The following CTBS variants were observed in gnomAD, a reference collection of about 807,000 sequenced individuals.
The protein encoded by CTBS is chitobiase, also known as di-N-acetylchitobiase.
A neutral mutation model predicts 44.3 loss-of-function variants in CTBS; 35 were observed. The ratio of observed to expected loss-of-function variants is 0.79; its 90% confidence interval spans 0.60 to 1.05. The LOEUF (loss-of-function observed/expected upper bound fraction) is 1.05, where lower values mean the gene tolerates loss of function less well. CTBS is among the 50% of genes least tolerant of loss of function. The pLI is 0.00. For missense variants in CTBS, 458 were observed against 475.3 expected (o/e 0.96, Z 0.34); for synonymous variants, 143 against 168.0 (o/e 0.85, Z 1.15).
rs1558615293 is a variant in CTBS, at chr1:84,549,719, C to A, written c.*5280G>T. The A allele has an allele frequency of 6.6e-6, 1 of 151,964 alleles. No individual in the cohort carries two copies. Among genetic ancestry groups the A allele is most frequent in the Non-Finnish European group, 1.5e-5 (1 of 67,966 alleles). 9.4% of individuals were successfully genotyped at this position (151,964 alleles called of 1,614,324 possible). A position where few individuals can be genotyped will look rare whatever the true frequency, so the allele number is the denominator to read the frequency against. ...TTTGATTTGGGTTGGATCAATCCCA[C>A]TTATCCAAAAGTAATTTTAAAATAT... On this transcript the variant is annotated 3_prime_UTR_variant, in exon 7 of 7. Transcript: ENST00000370630.
At chr1:84,558,282 C>G (rs552207612) in intron 6 of CTBS, among the ~76,000 whole-genome samples, 33 of 150,324 alleles carry the variant, frequency 2.2e-4, no homozygotes, top group Non-Finnish European at 1.3e-4. Context: ...TAATTTTTGC[C>G]TGCCATTAAA....
intron 2 of CTBS, 145 bp from the exon 3 acceptor site, chr1:84,570,284 C>A: frequency 1.4e-6 from 1 of 699,664 alleles, no homozygotes. Flanking sequence ...TCCAAAATAA[C>A]CATTATAAAT....
chr1:84,558,526 C>T (rs1334378335), intron 6 of CTBS, among the ~76,000 whole-genome samples: 4 of 150,868 alleles, frequency 2.7e-5, no homozygotes, highest in African/African-American at 9.7e-5. Context: ...CTCCTGACCT[C>T]GTGATCCGCC....
chr1:84,564,094 T>G (rs1045266150), intron 4 of CTBS, among the ~76,000 whole-genome samples: 9 of 152,224 alleles, frequency 5.9e-5, no homozygotes, highest in African/African-American at 2.2e-4. Flanking sequence ...AATCTAATTC[T>G]AGGAAGAATG....
At position 84,563,407 on chromosome 1, in the gene CTBS, A is replaced by G. The variant is rs764296657; in HGVS notation, c.807T>C (p.Cys269=). The change falls in exon 6 of 7, where the codon TGT becomes TGC. Residue 269 remains cysteine, a synonymous_variant. Coordinates refer to ENST00000370630, the MANE Select transcript of CTBS (RefSeq NM_004388.3). ...TCLNLSEDHV[C]TIAKVPFRGA... is the part of the protein sequence containing the mutation. ...CCCGGAAAGGGACTTTTGCAATGGT[A>G]CAAACATGATCCTAGAAATGCAAAA... 102 of 1,536,086 alleles carry G rather than the reference A, an allele frequency of 6.6e-5. No individual in the cohort carries two copies. The highest frequency in any genetic ancestry group is 8.9e-5 in the Non-Finnish European group (102 of 1,146,096).
Position 84,569,940 on chromosome 1 carries a change from C to T in CTBS, c.516G>A (p.Glu172=), listed in dbSNP as rs1352918502. The T allele has an allele frequency of 1.2e-6, 2 of 1,609,622 alleles. No individual in the cohort carries two copies. The highest frequency in any genetic ancestry group is 2.7e-5 in the African/African-American group (2 of 74,590). ...ATAAATGAGTTTTTACCTGTGATCC[C>T]TCAATTTCACGATGGAAAGAGTCTG... ...ETTDSFHREI[E]GSQVTFDVAW... is the part of the protein sequence containing the mutation. Residue 172 remains glutamate (E), a synonymous_variant, in exon 3 of 7, where the codon GAG becomes GAA. Coordinates refer to ENST00000370630, the MANE Select transcript of CTBS (RefSeq NM_004388.3).
intron 6 of CTBS, among the ~76,000 whole-genome samples, chr1:84,561,983 A>T (rs1346196892): frequency 6.6e-6 from 1 of 152,206 alleles, no homozygotes; most frequent in Non-Finnish European, 1.5e-5. Context: ...TGACTCTGCA[A>T]TATCTCTAAG....
chr1:84,560,099 AAG>A (rs1169721408), intron 6 of CTBS, among the ~76,000 whole-genome samples: 133 of 22,366 alleles, frequency 5.9e-3, no homozygotes, highest in South Asian at 0.033. Context: ...AAAAAAAAAA[AAG>A]AAAGAAAGAA....
intron 6 of CTBS, 103 bp downstream of exon 6, chr1:84,563,154 C>T: frequency 1.3e-6 from 1 of 769,560 alleles, no homozygotes; most frequent in Non-Finnish European, 1.9e-6. Context: ...CATGTTATGC[C>T]CTAAAAGAAA....
At chr1:84,565,619 T>C (rs1684684809) in intron 4 of CTBS, among the ~76,000 whole-genome samples, 1 of 152,184 alleles carries the variant, frequency 6.6e-6, no homozygotes, top group Admixed American at 6.5e-5. Context: ...TCTAGAAATA[T>C]ACCTATACCA....
chr1:84,550,469 C>A lies in CTBS; in HGVS notation c.*4530G>T. 6.4e-7 allele frequency: 1 copy of A among 1,565,154 alleles called. No homozygotes were observed. ...ATCCAGATCACTGAGGTACAGCATG[C>A]AATTGACCAGCTTAAGAGAAAACTA... On this transcript the variant is annotated 3_prime_UTR_variant, in exon 7 of 7. Coordinates refer to ENST00000370630, the MANE Select transcript of CTBS (RefSeq NM_004388.3).
intron 6 of CTBS, among the ~76,000 whole-genome samples, chr1:84,559,859 C>G (rs191542878): frequency 6.6e-6 from 1 of 151,438 alleles, no homozygotes; most frequent in Admixed American, 6.6e-5. Flanking sequence ...CCAAGGTAGG[C>G]GGATCACTTG....
In CTBS at chr1:84,552,169, A is replaced by G. The variant is rs983969444; in HGVS notation, c.*2830T>C. On this transcript the variant is annotated 3_prime_UTR_variant, in exon 7 of 7. Transcript: ENST00000370630. ...TGATCTCCCCAAAACAGCACTACCT[A>G]TAAGATTCAGAACTAAGGGACAAAA... 6.6e-5 allele frequency: 10 copies of G among 152,196 alleles called. No individual in the cohort carries two copies. The highest frequency in any genetic ancestry group is 1.2e-4 in the Non-Finnish European group (8 of 68,032). 9.4% of individuals were successfully genotyped at this position (152,196 alleles called of 1,614,324 possible).
chr1:84,563,863 G>C (rs369911180), intron 4 of CTBS, 31 bp from the exon 5 acceptor site: 15 of 1,590,310 alleles, frequency 9.4e-6, no homozygotes, highest in Non-Finnish European at 1.3e-5. Context: ...AAGCATATTT[G>C]TTTCTCTTCA....
At chr1:84,568,218 A>G (rs1684733326) in intron 3 of CTBS, among the ~76,000 whole-genome samples, 1 of 152,208 alleles carries the variant, frequency 6.6e-6, no homozygotes, top group Non-Finnish European at 1.5e-5. Context: ...CTCTTTCACT[A>G]CAGCTTAATC....
In CTBS at chr1:84,551,711, A is replaced by G. The variant is rs984775933; in HGVS notation, c.*3288T>C. 3 of 152,186 alleles carry G rather than the reference A, an allele frequency of 2.0e-5. No homozygotes were observed. Among genetic ancestry groups the G allele is most frequent in the African/African-American group, 7.2e-5 (3 of 41,456 alleles). The allele number at this position is 152,186 out of a possible 1,614,324, so 9.4% of individuals were successfully genotyped here. ...TTAAAATAGAAAAGGAAAAGAGCAG[A>G]GGATAATTTTTAACAAAATATCAGT... is the stretch of plus-strand genomic sequence containing the variant. On this transcript the variant is annotated 3_prime_UTR_variant, in exon 7 of 7. Coordinates refer to ENST00000370630, the MANE Select transcript of CTBS (RefSeq NM_004388.3).
At position 84,562,031 on chromosome 1, in the gene CTBS, A is replaced by G. The variant is rs149249519; in HGVS notation, c.957+1226T>C. 4.8e-3 allele frequency among the ~76,000 whole-genome samples: 730 copies of G among 152,320 alleles called. 5 individuals carry two copies. Among genetic ancestry groups the G allele is most frequent in the Non-Finnish European group, 8.0e-3 (544 of 68,034 alleles). On this transcript the variant is annotated intron_variant, in intron 6 of 6. Coordinates refer to ENST00000370630, the MANE Select transcript of CTBS (RefSeq NM_004388.3). ...ATGTAATTGGTTACCATAACTTTTAACAAACCATATCCATGAAACAGTTTC... is the reference window on the plus strand; with the variant it reads ...ATGTAATTGGTTACCATAACTTTTAGCAAACCATATCCATGAAACAGTTTC...
Position 84,550,459 on chromosome 1 carries a change from G to A in CTBS, c.*4540C>T. On this transcript the variant is annotated 3_prime_UTR_variant, in exon 7 of 7. Transcript: ENST00000370630. ...TTACCTAATAATCCAGATCACTGAG[G>A]TACAGCATGCAATTGACCAGCTTAA... 1.3e-6 allele frequency: 2 copies of A among 1,561,506 alleles called. No individual in the cohort carries two copies. Among genetic ancestry groups the A allele is most frequent in the Non-Finnish European group, 8.7e-7 (1 of 1,151,900 alleles).
intron 4 of CTBS, among the ~76,000 whole-genome samples, chr1:84,565,475 T>C (rs1684682978): frequency 6.6e-6 from 1 of 152,156 alleles, no homozygotes; most frequent in African/African-American, 2.4e-5. Flanking sequence ...AACAAAAATA[T>C]CCTGTCAAAT....
Sources: gnomAD v4.1 joint callset for allele counts (sites outside exome capture counted in the v4.1 genomes callset) on GRCh38, gnomAD v4.1.1 for gene constraint, MANE v1.5 for transcripts, NCBI Gene and HGNC (gene_info 2026-07-23, HGNC 2026-07-21) for gene names.